The following CSNK1G2 variants were observed in gnomAD, a reference collection of about 807,000 sequenced individuals.
The protein encoded by CSNK1G2 is casein kinase 1 gamma 2.
Under a neutral mutation model 48.0 loss-of-function variants are expected in CSNK1G2, and 11 were observed. The ratio of observed to expected loss-of-function variants is 0.23; its 90% CI spans 0.14 to 0.38. The LOEUF is 0.38. Among genes scored for constraint, CSNK1G2 ranks in the 10% least tolerant of loss-of-function variants. The pLI is 1.00. For missense variants in CSNK1G2, 446 were observed against 595.5 expected, an observed-to-expected ratio of 0.75 and a Z score of 2.61; for synonymous variants, 337 against 254.1, an observed-to-expected ratio of 1.33 and a Z score of -3.10.
At position 1,978,532 on chromosome 19, in the gene CSNK1G2, G is replaced by C; in HGVS notation, c.298+21G>C. The C allele has an allele frequency of 6.4e-7, 1 of 1,569,902 alleles. No homozygotes were observed. Among genetic ancestry groups the C allele is most frequent in the Non-Finnish European group, 8.6e-7 (1 of 1,158,514 alleles). ...CACAGGTACCGGGCGGCCCGCGGGT[G>C]GGGCGGGGGCTGCGCAGGGGCAGGG... On this transcript the variant is annotated intron_variant, in intron 4 of 11. Transcript: ENST00000255641. The surrounding 1 kb of genome is among the most constrained non-coding windows in gnomAD (Gnocchi z 7.3).
intron 1 of CSNK1G2, among the ~76,000 whole-genome samples, chr19:1,964,655 C>G (rs191800741): frequency 3.9e-5 from 6 of 152,254 alleles, no homozygotes; most frequent in African/African-American, 1.4e-4. Context: ...GACAGCACAT[C>G]TGTTTAACAC....
In CSNK1G2 at chr19:1,961,019, G is replaced by A. The variant is rs963445595; in HGVS notation, c.-265-8489G>A. ...GGTGTGGGCCGGTGTGCGGCGGGGC[G>A]TGGGCAGAGGAGAGGCTTCGGGCTC... On this transcript the variant is annotated intron_variant, in intron 1 of 11. Transcript: ENST00000255641. Among the ~76,000 whole-genome samples, 14 of 152,352 alleles carry A rather than the reference G, an allele frequency of 9.2e-5. 1 individual carries two copies. The highest frequency in any genetic ancestry group is 2.9e-4 in the African/African-American group (12 of 41,596).
intron 1 of CSNK1G2, among the ~76,000 whole-genome samples, chr19:1,949,034 G>C (rs555933747): frequency 1.3e-5 from 2 of 152,228 alleles, no homozygotes; most frequent in Admixed American, 6.5e-5. Flanking sequence ...GGGTCTCGCT[G>C]TCTCGGGTGG....
intron 1 of CSNK1G2, among the ~76,000 whole-genome samples, chr19:1,952,184 C>T (rs1449871052): frequency 6.6e-6 from 1 of 152,204 alleles, no homozygotes; most frequent in Non-Finnish European, 1.5e-5. Context: ...CACACCTTGG[C>T]CCCTCAGTGG....
At position 1,943,485 on chromosome 19, in the gene CSNK1G2, G is replaced by A. The variant is rs192930110; in HGVS notation, c.-266+2067G>A. Among the ~76,000 whole-genome samples, 458 of 152,260 alleles carry A rather than the reference G, an allele frequency of 3.0e-3. 4 individuals carry two copies. Among genetic ancestry groups the A allele is most frequent in the African/African-American group, 0.01 (431 of 41,530 alleles). On this transcript the variant is annotated intron_variant, in intron 1 of 11. Coordinates refer to ENST00000255641, the MANE Select transcript of CSNK1G2 (RefSeq NM_001319.7). ...TTTAATAATACAGTAATTACTCTGG[G>A]CTACAAAGGAAGTAGGCGAGGGTTT...
intron 1 of CSNK1G2, among the ~76,000 whole-genome samples, chr19:1,950,012 C>T (rs927101873): frequency 3.9e-5 from 6 of 152,190 alleles, no homozygotes; most frequent in African/African-American, 7.2e-5. Flanking sequence ...GTTCAGAGGC[C>T]GGAGGCATCC....
chr19:1,963,968 C>A (rs985199116), intron 1 of CSNK1G2, among the ~76,000 whole-genome samples: 1 of 151,606 alleles, frequency 6.6e-6, no homozygotes, highest in Admixed American at 6.6e-5. Context: ...AGGCACCCGC[C>A]ACCATGCCCA....
At chr19:1,942,846 G>A (rs2014418836) in intron 1 of CSNK1G2, among the ~76,000 whole-genome samples, 1 of 152,162 alleles carries the variant, frequency 6.6e-6, no homozygotes, top group African/African-American at 2.4e-5. Context: ...ACTTTGTTTT[G>A]TTTTCCCCTG....
At chr19:1,942,891 T>C (rs139820998) in intron 1 of CSNK1G2, among the ~76,000 whole-genome samples, 105 of 152,338 alleles carry the variant, frequency 6.9e-4, no homozygotes, top group African/African-American at 2.5e-3. Flanking sequence ...TGGGCTGGGC[T>C]GACTGATGAG....
intron 1 of CSNK1G2, among the ~76,000 whole-genome samples, chr19:1,955,984 C>T (rs572376785): frequency 2.2e-4 from 34 of 152,306 alleles, no homozygotes; most frequent in African/African-American, 2.2e-4. Context: ...GCTCGTTGGC[C>T]GGGCGGAGCA....
At chr19:1,974,887 T>C (rs567318602) in intron 2 of CSNK1G2, 26 of 164,978 alleles carry the variant, frequency 1.6e-4, no homozygotes, top group Non-Finnish European at 2.9e-4. Context: ...TCTCTGGAGC[T>C]GTTCTCTGCC....
chr19:1,960,351 C>T (rs1005221657), intron 1 of CSNK1G2, among the ~76,000 whole-genome samples: 4 of 152,208 alleles, frequency 2.6e-5, no homozygotes, highest in African/African-American at 9.7e-5. Flanking sequence ...AGAGCTGAGG[C>T]CTGTGTCTTC....
chr19:1,953,650 C>T (rs1161826980), intron 1 of CSNK1G2: 2 of 401,796 alleles, frequency 5.0e-6, no homozygotes, highest in Non-Finnish European at 5.1e-6. Flanking sequence ...TGGCCCTCAC[C>T]TGTGGTCTGT....
rs149872267 is a variant in CSNK1G2, at chr19:1,952,193, G to A, written c.-266+10775G>A. 3.1e-3 allele frequency among the ~76,000 whole-genome samples: 475 copies of A among 152,376 alleles called. 4 individuals carry two copies. The highest frequency in any genetic ancestry group is 0.011 in the African/African-American group (447 of 41,594). On this transcript the variant is annotated intron_variant, in intron 1 of 11. Transcript: ENST00000255641. Reference sequence around the variant, plus strand: ...AGCAAGCACACCTTGGCCCCTCAGTGGGCAGTGGGTGCAGGGCTGGACGAG... The same window carrying A: ...AGCAAGCACACCTTGGCCCCTCAGTAGGCAGTGGGTGCAGGGCTGGACGAG...
At chr19:1,943,340 G>T (rs1319431322) in intron 1 of CSNK1G2, among the ~76,000 whole-genome samples, 8 of 152,144 alleles carry the variant, frequency 5.3e-5, no homozygotes, top group Non-Finnish European at 1.2e-4. Flanking sequence ...CTCATTGCCT[G>T]GGCTCTGGGC....
At chr19:1,949,490 G>A (rs954663509) in intron 1 of CSNK1G2, among the ~76,000 whole-genome samples, 1 of 152,224 alleles carries the variant, frequency 6.6e-6, no homozygotes, top group Non-Finnish European at 1.5e-5. Context: ...GCTCCTGTTC[G>A]TGGCTGAGTC....
At chr19:1,951,075 G>A (rs1188480709) in intron 1 of CSNK1G2, among the ~76,000 whole-genome samples, 1 of 145,498 alleles carries the variant, frequency 6.9e-6, no homozygotes, top group South Asian at 2.2e-4. Flanking sequence ...TGTGCCTGGG[G>A]AGGCAACACT....
At position 1,950,904 on chromosome 19, in the gene CSNK1G2, C is replaced by T. The variant is rs772689756; in HGVS notation, c.-266+9486C>T. On this transcript the variant is annotated intron_variant, in intron 1 of 11. Coordinates refer to ENST00000255641, the MANE Select transcript of CSNK1G2 (RefSeq NM_001319.7). The stretch of plus-strand genomic sequence containing the variant: ...ATGGCGGAGCGTGTTGGGAAGTTTT[C>T]GGTGAGCTGGGCGTTTATTCGCCTT... Among the ~76,000 whole-genome samples, 14 of 145,802 alleles carry T rather than the reference C, an allele frequency of 9.6e-5. 2 individuals are homozygous for T. Among genetic ancestry groups the T allele is most frequent in the South Asian group, 4.4e-4 (2 of 4,526 alleles).
chr19:1,978,753 G>A lies in CSNK1G2; in HGVS notation c.447+3G>A, dbSNP rs2015853947. The A allele has an allele frequency of 4.4e-6, 7 of 1,579,822 alleles. No individual in the cohort carries two copies. In the East Asian group the frequency reaches 1.6e-4, roughly 36 times the overall value. On this transcript the variant is annotated splice_donor_region_variant and intron_variant, in intron 5 of 11. Transcript: ENST00000255641. The surrounding 1 kb of genome is among the most constrained non-coding windows in gnomAD (Gnocchi z 7.3). Reference sequence around the variant, plus strand: ...TGCTGATGATCGCCATCCAGCTGGTGCGCGGCGGGCGGGGCGGGGCGGGGC... The same window carrying A: ...TGCTGATGATCGCCATCCAGCTGGTACGCGGCGGGCGGGGCGGGGCGGGGC...
Sources: allele counts gnomAD v4.1 joint callset (sites outside exome capture counted in the v4.1 genomes callset), GRCh38; gene constraint gnomAD v4.1.1; non-coding constraint Gnocchi (gnomAD v3.1); transcripts MANE v1.5; gene names NCBI Gene and HGNC (gene_info 2026-07-23, HGNC 2026-07-21).